TEX10: variants seen among roughly 807,000 people sequenced by gnomAD.
The protein encoded by TEX10 is testis expressed 10.
Under a neutral mutation model 104.4 loss-of-function variants are expected in TEX10, and 24 were observed. That is an observed-to-expected ratio of 0.23 (90% confidence interval 0.17 to 0.32). TEX10 has a LOEUF of 0.32. TEX10 is among the 10% of genes least tolerant of loss of function. The pLI, the probability that TEX10 is intolerant of heterozygous loss-of-function variation, is 1.00. For synonymous variants in TEX10, 396 were observed against 393.4 expected (o/e 1.01, Z -0.08); for missense variants, 921 against 1,083.9 (o/e 0.85, Z 2.11).
At chr9:100,326,620 TA>T in intron 8 of TEX10, 141 bp from the exon 9 acceptor site, 1 of 766,070 alleles carries the variant, frequency 1.3e-6, no homozygotes, top group Non-Finnish European at 2.0e-6. Flanking sequence ...CATAAAAGCA[TA>T]ATTATATTAA....
Position 100,310,259 on chromosome 9 carries a change from C to G in TEX10, c.2283+40G>C, listed in dbSNP as rs1388329930. ...AAAACTCTATTCTAACCAATGCATC[C>G]TGTGTTCATTCTTAAGAGAAAAAGT... On this transcript the variant is annotated intron_variant, in intron 12 of 14. Coordinates refer to ENST00000374902, the MANE Select transcript of TEX10 (RefSeq NM_017746.4). 2.0e-6 allele frequency: 3 copies of G among 1,536,052 alleles called. No homozygotes were observed. The South Asian group carries it at 3.4e-5, about 17-fold the overall frequency.
chr9:100,348,729 C>T (rs994158756), intron 2 of TEX10, among the ~76,000 whole-genome samples: 5 of 152,040 alleles, frequency 3.3e-5, no homozygotes, highest in African/African-American at 1.2e-4. Context: ...GCCTGGGCAA[C>T]ATATTGCAAC....
intron 5 of TEX10, among the ~76,000 whole-genome samples, chr9:100,339,377 TATATTTATAA>T (rs1231861533): frequency 2.1e-5 from 3 of 146,032 alleles, no homozygotes; most frequent in Non-Finnish European, 4.5e-5. Flanking sequence ...TATATTTATA[TATATTTATAA>T]AACTGCTTAG....
intron 5 of TEX10, among the ~76,000 whole-genome samples, chr9:100,334,531 T>G (rs1834958922): frequency 6.6e-6 from 1 of 152,100 alleles, no homozygotes; most frequent in South Asian, 2.1e-4. Context: ...AGCAAAAAGG[T>G]AGTAAATCTA....
At chr9:100,340,929 G>A (rs1270979999) in intron 4 of TEX10, among the ~76,000 whole-genome samples, 1 of 151,676 alleles carries the variant, frequency 6.6e-6, no homozygotes, top group Non-Finnish European at 1.5e-5. Context: ...CTAGATGTGG[G>A]ACTTGAGGTG....
Position 100,328,843 on chromosome 9 carries a change from T to C in TEX10, c.1625+297A>G, listed in dbSNP as rs1185558124. ...TGGCTAGAGATTCAACCTCCGTAAT[T>C]TTTATGGGAGGGGAAGAGAAAGGGC... is the stretch of plus-strand genomic sequence containing the variant. On this transcript the variant is annotated intron_variant, in intron 7 of 14. Coordinates refer to ENST00000374902, the MANE Select transcript of TEX10 (RefSeq NM_017746.4). Among the ~76,000 whole-genome samples, 8 of 152,272 alleles carry C rather than the reference T, an allele frequency of 5.3e-5. No individual in the cohort carries two copies. In the East Asian group the frequency reaches 1.2e-3, roughly 22 times the overall value.
chr9:100,316,242 T>C (rs1400108354), intron 11 of TEX10, among the ~76,000 whole-genome samples: 1 of 152,160 alleles, frequency 6.6e-6, no homozygotes, highest in Non-Finnish European at 1.5e-5. Context: ...ATAAATGTAA[T>C]ACATCACATA....
intron 1 of TEX10, among the ~76,000 whole-genome samples, chr9:100,351,996 G>A (rs780292824): frequency 2.1e-5 from 3 of 142,858 alleles, no homozygotes; most frequent in Admixed American, 7.2e-5. Context: ...AAAGCTGAAT[G>A]TCACACATTC....
At chr9:100,320,513 G>C (rs980858882) in intron 10 of TEX10, 115 bp from the exon 11 acceptor site, 2 of 1,182,170 alleles carry the variant, frequency 1.7e-6, no homozygotes, top group African/African-American at 1.5e-5. Flanking sequence ...AAGCTACCTT[G>C]TTTTCTCTGA....
intron 9 of TEX10, 42 bp from the exon 10 acceptor site, chr9:100,321,813 C>T (rs755534733): frequency 2.1e-6 from 3 of 1,439,830 alleles, no homozygotes; most frequent in Non-Finnish European, 2.9e-6. Flanking sequence ...AAGTGACCAA[C>T]TTGACAGACT....
intron 11 of TEX10, among the ~76,000 whole-genome samples, chr9:100,314,223 G>A (rs1834355699): frequency 6.6e-6 from 1 of 151,872 alleles, no homozygotes; most frequent in Admixed American, 6.6e-5. Context: ...GGGTAGCAGG[G>A]ACTACAGATG....
intron 11 of TEX10, among the ~76,000 whole-genome samples, chr9:100,314,993 G>A (rs186244221): frequency 2.0e-5 from 3 of 152,254 alleles, no homozygotes; most frequent in Non-Finnish European, 2.9e-5. Flanking sequence ...TCAAGAGCAC[G>A]TCATCGTTCA....
At chr9:100,308,075 G>C (rs1280457636) in intron 13 of TEX10, among the ~76,000 whole-genome samples, 1 of 152,128 alleles carries the variant, frequency 6.6e-6, no homozygotes, top group Admixed American at 6.5e-5. Flanking sequence ...AAAAGCACTA[G>C]CATCTTAGAA....
At chr9:100,308,243 A>G (rs1364034579) in intron 13 of TEX10, among the ~76,000 whole-genome samples, 2 of 152,194 alleles carry the variant, frequency 1.3e-5, no homozygotes, top group Non-Finnish European at 2.9e-5. Flanking sequence ...GAAACCTCTC[A>G]AGAAATTTTA....
intron 5 of TEX10, among the ~76,000 whole-genome samples, chr9:100,339,245 CAAAAAAAAAAAAAAA>C (rs1182764934): frequency 3.4e-4 from 10 of 29,412 alleles, no homozygotes; most frequent in African/African-American, 9.9e-4. Context: ...GACTCCATCT[CAAAAAAAAAAAAAAA>C]AAAAAAAAAA....
intron 5 of TEX10, among the ~76,000 whole-genome samples, chr9:100,333,916 G>A (rs1388631446): frequency 6.6e-6 from 1 of 151,976 alleles, no homozygotes; most frequent in African/African-American, 2.4e-5. Context: ...AAGAATTCTA[G>A]AATTGAAAAA....
At chr9:100,352,420 A>G (rs1181192713) in intron 1 of TEX10, 1 of 1,551,710 alleles carries the variant, frequency 6.4e-7, no homozygotes, top group Non-Finnish European at 8.7e-7. Context: ...CGAACACACC[A>G]TGGGTTTTAG....
rs201640214 is a variant in TEX10 at position 100,308,536 on chromosome 9, G to A, written c.2429C>T (p.Thr810Ile). ...ATGTTCTGCTTCCCCTTTCTCTATA[G>A]TGAGCAGAAAATAAAGAAGACTGTA... The part of the protein sequence containing the change: ...CCYSLLYFLL[T>I]IEKGEAEHLR... The change falls in exon 13 of 15, where the codon ACT becomes ATT. Residue 810 changes from threonine (T) to isoleucine (I), a missense_variant. By Grantham distance (89) the Thr-to-Ile change is moderately conservative. Coordinates refer to ENST00000374902, the MANE Select transcript of TEX10 (RefSeq NM_017746.4). 5 of 1,609,860 alleles carry A rather than the reference G, an allele frequency of 3.1e-6. No individual in the cohort carries two copies. The highest frequency in any genetic ancestry group is 2.7e-5 in the African/African-American group (2 of 74,612).
chr9:100,335,422 AG>A (rs372379773), intron 5 of TEX10, among the ~76,000 whole-genome samples: 25 of 152,220 alleles, frequency 1.6e-4, no homozygotes, highest in African/African-American at 6.0e-4. Context: ...AGGATGGTCT[AG>A]GTCTCCTGAC....
Sources: allele counts gnomAD v4.1 joint callset (sites outside exome capture counted in the v4.1 genomes callset), GRCh38; gene constraint gnomAD v4.1.1; transcripts MANE v1.5; gene names NCBI Gene and HGNC (gene_info 2026-07-23, HGNC 2026-07-21).